Variants in SPAG9 observed in about 807,000 individuals in gnomAD.
SPAG9 encodes sperm associated antigen 9.
A neutral mutation model predicts 166.5 loss-of-function variants in SPAG9; 35 were observed. The observed-to-expected ratio is 0.21, with a 90% CI of 0.16 to 0.28. The LOEUF (loss-of-function observed/expected upper bound fraction) is 0.28, where lower values mean the gene tolerates loss of function less well. SPAG9 is among the 10% of genes least tolerant of loss of function. The pLI is 1.00. For synonymous variants in SPAG9, 534 were observed against 565.5 expected (o/e 0.94, Z 0.79); for missense variants, 1,235 against 1,603.3 (o/e 0.77, Z 3.92).
At chr17:50,990,946 C>T (rs1201574969) in intron 19 of SPAG9, among the ~76,000 whole-genome samples, 8 of 144,506 alleles carry the variant, frequency 5.5e-5, no homozygotes, top group African/African-American at 2.1e-4. Flanking sequence ...CTTACTCTGT[C>T]GCCCAGGCTG....
intron 5 of SPAG9, among the ~76,000 whole-genome samples, chr17:51,032,794 C>T (rs1465426993): frequency 6.6e-6 from 1 of 151,902 alleles, no homozygotes; most frequent in Non-Finnish European, 1.5e-5. Flanking sequence ...ACTAGCTGGG[C>T]GTTGTGGCGG....
chr17:51,089,079 G>A (rs2048376889), intron 1 of SPAG9, among the ~76,000 whole-genome samples: 1 of 151,542 alleles, frequency 6.6e-6, no homozygotes, highest in South Asian at 2.1e-4. Context: ...GCAACAGAGG[G>A]AGATTCTGTC....
intron 5 of SPAG9, among the ~76,000 whole-genome samples, chr17:51,037,666 TA>T (rs1856308364): frequency 1.3e-4 from 6 of 45,338 alleles, no homozygotes; most frequent in East Asian, 3.0e-3. Context: ...ATATGTGTTT[TA>T]TATATATATA....
At chr17:51,014,549 G>T in intron 8 of SPAG9, 196 bp from the exon 9 acceptor site, 1 of 475,114 alleles carries the variant, frequency 2.1e-6, no homozygotes. Context: ...AGCTGGTGAA[G>T]AAATTATAGA....
Position 50,987,191 on chromosome 17 carries a change from C to T in SPAG9, c.2860G>A (p.Glu954Lys), listed in dbSNP as rs1386126182. ...YKDQISVLPN[E>K]QDLVREEAQK... ...GCTTCTTCTCTCACCAAGTCTTGTT[C>T]ATTTGGCAGTACTGATATTTGATCT... The change falls in exon 22 of 30, where the codon GAA becomes AAA. Residue 954 changes from glutamate (E) to lysine (K), a missense_variant. This residue lies in a region of SPAG9 where 493 missense variants were observed against 559.4 expected (regional missense o/e 0.88). Coordinates refer to ENST00000262013, the MANE Select transcript of SPAG9 (RefSeq NM_001130528.3). 3 of 1,613,202 alleles carry T rather than the reference C, an allele frequency of 1.9e-6. No individual in the cohort carries two copies. The highest frequency in any genetic ancestry group is 2.7e-5 in the African/African-American group (2 of 74,832).
chr17:51,092,867 G>A (rs555913863), intron 1 of SPAG9, among the ~76,000 whole-genome samples: 1 of 152,084 alleles, frequency 6.6e-6, no homozygotes. Flanking sequence ...TAGCCCAGGA[G>A]TTCTAAGCTG....
chr17:51,119,250 T>G (rs972133202), intron 1 of SPAG9, among the ~76,000 whole-genome samples: 2 of 152,180 alleles, frequency 1.3e-5, no homozygotes, highest in African/African-American at 4.8e-5. Context: ...GCTACAAACC[T>G]CACATCCTAA....
intron 8 of SPAG9, among the ~76,000 whole-genome samples, chr17:51,018,657 G>A (rs2045804432): frequency 6.6e-6 from 1 of 152,120 alleles, no homozygotes. Flanking sequence ...CTAGGGGGAG[G>A]GGCCCTGGAC....
chr17:51,065,054 C>T (rs1050033348), intron 2 of SPAG9, among the ~76,000 whole-genome samples: 2 of 151,918 alleles, frequency 1.3e-5, no homozygotes, highest in East Asian at 1.9e-4. Context: ...ATCTGGGAGG[C>T]GAAGGTTGCA....
chr17:51,005,891 A>G (rs1380550284), intron 11 of SPAG9, among the ~76,000 whole-genome samples, 194 bp downstream of exon 11: 2 of 152,242 alleles, frequency 1.3e-5, no homozygotes, highest in Non-Finnish European at 1.5e-5. Flanking sequence ...AATAATATTT[A>G]GATGACAGGC....
intron 8 of SPAG9, among the ~76,000 whole-genome samples, chr17:51,017,436 C>G (rs1388853576): frequency 6.6e-6 from 1 of 151,958 alleles, no homozygotes; most frequent in East Asian, 1.9e-4. Flanking sequence ...TAAGGATATG[C>G]TCTGTCAAAA....
chr17:50,989,526 G>C (rs936351086), intron 21 of SPAG9, 151 bp downstream of exon 21: 1 of 726,200 alleles, frequency 1.4e-6, no homozygotes, highest in African/African-American at 1.7e-5. Context: ...TGATGGAGCG[G>C]GAATACATGA....
Position 50,966,170 on chromosome 17 carries a change from T to C in SPAG9, c.*102A>G. The C allele has an allele frequency of 1.3e-6, 1 of 776,518 alleles. No homozygotes were observed. The highest frequency in any genetic ancestry group is 2.3e-6 in the Non-Finnish European group (1 of 435,550). The allele number at this position is 776,518 out of a possible 1,614,324, so 48.1% of individuals were successfully genotyped here. On this transcript the variant is annotated 3_prime_UTR_variant, in exon 30 of 30. Transcript: ENST00000262013. ...CAGGAAAAAATGCTCACACATTATG[T>C]GGTGAAACTTATCTCACAAAAGAGC...
intron 8 of SPAG9, among the ~76,000 whole-genome samples, chr17:51,018,276 G>A (rs1348760696): frequency 1.3e-5 from 2 of 149,614 alleles, no homozygotes; most frequent in Non-Finnish European, 1.5e-5. Flanking sequence ...CCGGGGGAGG[G>A]GGTGGGGGTG....
At chr17:51,106,534 T>A (rs1362955541) in intron 1 of SPAG9, among the ~76,000 whole-genome samples, 1 of 152,060 alleles carries the variant, frequency 6.6e-6, no homozygotes, top group Non-Finnish European at 1.5e-5. Context: ...CGGTGGCTCA[T>A]GCCTGTAATC....
At chr17:51,049,052 T>C (rs1002089551) in intron 3 of SPAG9, among the ~76,000 whole-genome samples, 96 of 152,272 alleles carry the variant, frequency 6.3e-4, no homozygotes, top group African/African-American at 2.2e-3. Context: ...TCAGGCTTAA[T>C]CAATCTCAAT....
chr17:51,089,966 C>T (rs981262316), intron 1 of SPAG9, among the ~76,000 whole-genome samples: 4 of 151,332 alleles, frequency 2.6e-5, no homozygotes, highest in Non-Finnish European at 5.9e-5. Flanking sequence ...CGTGAGCCAC[C>T]GTGCCCGGCC....
At chr17:51,008,844 C>T (rs11653350) in intron 9 of SPAG9, among the ~76,000 whole-genome samples, 34,336 of 152,014 alleles carry the variant, frequency 0.23, 4,810 homozygotes, top group Non-Finnish European at 0.31. Context: ...AACACTAATG[C>T]TAAATTTTTA....
intron 1 of SPAG9, among the ~76,000 whole-genome samples, chr17:51,099,398 A>G (rs1311995099): frequency 6.9e-6 from 1 of 145,624 alleles, no homozygotes; most frequent in Admixed American, 7.5e-5. Context: ...GCGCCATTGC[A>G]CTCCAGCCTG....
Sources: allele counts gnomAD v4.1 joint callset (sites outside exome capture counted in the v4.1 genomes callset), GRCh38; gene constraint gnomAD v4.1.1; regional missense constraint gnomAD v4.1.1; transcripts MANE v1.5; gene names NCBI Gene and HGNC (gene_info 2026-07-23, HGNC 2026-07-21).